Variants in TAFA1 observed in about 807,000 individuals in gnomAD.
The protein encoded by TAFA1 is chemokine-like protein TAFA-1.
Under a neutral mutation model 18.5 loss-of-function variants are expected in TAFA1, and 4 were observed. The ratio of observed to expected loss-of-function variants is 0.22; its 90% CI spans 0.11 to 0.49. The LOEUF (loss-of-function observed/expected upper bound fraction) is 0.49. TAFA1 is among the 20% of genes least tolerant of loss of function. The probability of loss-of-function intolerance (pLI) is 0.98; values close to 1 mark genes in which losing one functional copy is unlikely to be tolerated. For missense variants in TAFA1, 147 were observed against 169.0 expected, an observed-to-expected ratio of 0.87 and a Z score of 0.72; for synonymous variants, 56 against 55.2, an observed-to-expected ratio of 1.01 and a Z score of -0.06.
At chr3:68,063,846 G>A (rs1295507727) in intron 2 of TAFA1, among the ~76,000 whole-genome samples, 1 of 152,154 alleles carries the variant, frequency 6.6e-6, no homozygotes, top group Non-Finnish European at 1.5e-5. Flanking sequence ...CACTAAAGGA[G>A]TCCATGGCAC....
chr3:68,306,489 C>T (rs1426760807), intron 2 of TAFA1, among the ~76,000 whole-genome samples: 1 of 151,098 alleles, frequency 6.6e-6, no homozygotes, highest in Non-Finnish European at 1.5e-5. Context: ...TTTAAACTCA[C>T]ATATACAGTT....
chr3:68,421,731 T>G (rs2106810566), intron 3 of TAFA1, among the ~76,000 whole-genome samples: 1 of 152,274 alleles, frequency 6.6e-6, no homozygotes, highest in Middle Eastern at 3.4e-3. Flanking sequence ...TTCTATATAA[T>G]GTTTTTTGCA....
chr3:68,039,010 C>G (rs113125127), intron 2 of TAFA1, among the ~76,000 whole-genome samples: 187 of 152,314 alleles, frequency 1.2e-3, no homozygotes, highest in Middle Eastern at 3.4e-3. Flanking sequence ...GCTTCAGTAT[C>G]TTCCTTCTCT....
At chr3:68,289,356 T>C (rs1214966701) in intron 2 of TAFA1, among the ~76,000 whole-genome samples, 2 of 152,168 alleles carry the variant, frequency 1.3e-5, no homozygotes, top group Non-Finnish European at 2.9e-5. Context: ...TCATGTTTTT[T>C]TGTGTCCTAT....
chr3:68,312,683 A>C (rs2068540444), intron 2 of TAFA1, among the ~76,000 whole-genome samples: 1 of 152,198 alleles, frequency 6.6e-6, no homozygotes. Context: ...GTCTCTAGGA[A>C]GTTCCAAACT....
At chr3:68,124,523 TC>T (rs1325008128) in intron 2 of TAFA1, among the ~76,000 whole-genome samples, 1 of 152,208 alleles carries the variant, frequency 6.6e-6, no homozygotes, top group African/African-American at 2.4e-5. Context: ...ATCATGAACA[TC>T]TAAGTTAATA....
At chr3:68,350,591 C>T (rs1159766721) in intron 2 of TAFA1, among the ~76,000 whole-genome samples, 1 of 152,082 alleles carries the variant, frequency 6.6e-6, no homozygotes, top group Non-Finnish European at 1.5e-5. Context: ...CAGAATTGCT[C>T]CTATAAAACA....
intron 2 of TAFA1, among the ~76,000 whole-genome samples, chr3:68,080,149 T>A (rs1038850344): frequency 3.6e-4 from 55 of 152,368 alleles, no homozygotes; most frequent in African/African-American, 1.3e-3. Context: ...TGCCTTTTTT[T>A]ATTTTCCATT....
intron 2 of TAFA1, among the ~76,000 whole-genome samples, chr3:68,190,875 A>G (rs943929809): frequency 2.0e-4 from 30 of 151,848 alleles, no homozygotes; most frequent in African/African-American, 7.0e-4. Flanking sequence ...CAATGAGACT[A>G]GAGTATGAAT....
At chr3:68,016,278 T>C (rs1704568309) in intron 2 of TAFA1, among the ~76,000 whole-genome samples, 1 of 152,214 alleles carries the variant, frequency 6.6e-6, no homozygotes, top group Admixed American at 6.5e-5. Context: ...ATGTGCTGCA[T>C]AACGATGAAT....
intron 2 of TAFA1, among the ~76,000 whole-genome samples, chr3:68,370,203 G>A (rs1363563681): frequency 7.4e-6 from 1 of 134,862 alleles, no homozygotes; most frequent in Non-Finnish European, 1.5e-5. Flanking sequence ...CAGGAGAATG[G>A]CATGAACCCG....
intron 2 of TAFA1, among the ~76,000 whole-genome samples, chr3:68,188,459 A>G (rs1330959249): frequency 6.7e-6 from 1 of 149,236 alleles, no homozygotes; most frequent in Non-Finnish European, 1.5e-5. Flanking sequence ...TGAAAGTAGT[A>G]TCTCTCTAAA....
In TAFA1 at chr3:68,375,731, A is replaced by G. The variant is rs189420553; in HGVS notation, c.119-41549A>G. Among the ~76,000 whole-genome samples the G allele has an allele frequency of 5.9e-3, 894 of 152,328 alleles. 2 individuals carry two copies. Among genetic ancestry groups the G allele is most frequent in the Non-Finnish European group, 9.6e-3 (651 of 68,032 alleles). On this transcript the variant is annotated intron_variant, in intron 2 of 4. Transcript: ENST00000478136. ...TGAATGTTCTCTGTGTATCAGGCTC[A>G]GTGCTACATAGTTTACATACACAAG...
intron 2 of TAFA1, among the ~76,000 whole-genome samples, chr3:68,412,146 C>T (rs760075807): frequency 6.6e-6 from 1 of 152,120 alleles, no homozygotes; most frequent in Non-Finnish European, 1.5e-5. Context: ...GGGTCATTGA[C>T]TTTATATACA....
intron 2 of TAFA1, among the ~76,000 whole-genome samples, chr3:68,069,308 A>C (rs1218148139): frequency 6.6e-6 from 1 of 152,208 alleles, no homozygotes; most frequent in Non-Finnish European, 1.5e-5. Context: ...GTCACATTTT[A>C]TGTGGATGGT....
intron 2 of TAFA1, among the ~76,000 whole-genome samples, chr3:68,165,523 C>A (rs1396217394): frequency 6.6e-6 from 1 of 152,128 alleles, no homozygotes; most frequent in Non-Finnish European, 1.5e-5. Context: ...TGCTACATAC[C>A]AGCTATTTTG....
At chr3:68,361,131 C>T (rs2069459315) in intron 2 of TAFA1, among the ~76,000 whole-genome samples, 1 of 151,730 alleles carries the variant, frequency 6.6e-6, no homozygotes, top group South Asian at 2.1e-4. Flanking sequence ...TTGGCTGCAT[C>T]ACGAAGTGTT....
At chr3:68,394,848 A>G (rs1028801004) in intron 2 of TAFA1, among the ~76,000 whole-genome samples, 2 of 152,198 alleles carry the variant, frequency 1.3e-5, no homozygotes, top group Admixed American at 6.5e-5. Flanking sequence ...TAAAAACTCT[A>G]GAAGAAAACC....
At chr3:68,193,900 T>C (rs1410422728) in intron 2 of TAFA1, among the ~76,000 whole-genome samples, 1 of 151,766 alleles carries the variant, frequency 6.6e-6, no homozygotes, top group Admixed American at 6.6e-5. Context: ...TGCAGTTCAG[T>C]TGTGGTCTTG....
Sources: gnomAD v4.1 joint callset for allele counts (sites outside exome capture counted in the v4.1 genomes callset) on GRCh38, gnomAD v4.1.1 for gene constraint, MANE v1.5 for transcripts, NCBI Gene and HGNC (gene_info 2026-07-23, HGNC 2026-07-21) for gene names.